SYN2: variants seen among roughly 807,000 people sequenced by gnomAD.
SYN2 encodes the protein synapsin-2.
SYN2 carries 19 observed loss-of-function variants against 50.9 expected under a neutral mutation model. That is an observed-to-expected ratio of 0.37 (90% CI 0.26 to 0.55). The LOEUF is 0.55. Among genes scored for constraint, SYN2 ranks in the 20% least tolerant of loss-of-function variants. The pLI, the probability that SYN2 is intolerant of heterozygous loss-of-function variation, is 0.81. For missense variants in SYN2, 587 were observed against 576.4 expected (o/e 1.02, Z -0.19); for synonymous variants, 255 against 224.9 (o/e 1.13, Z -1.20).
At chr3:12,070,149 A>G (rs1695313105) in intron 1 of SYN2, 1 of 317,744 alleles carries the variant, frequency 3.1e-6, no homozygotes, top group Non-Finnish European at 6.2e-6. Flanking sequence ...GACGTTGAGT[A>G]TCACACAGTC....
intron 1 of SYN2, among the ~76,000 whole-genome samples, chr3:12,034,751 C>T (rs1468192771): frequency 6.6e-6 from 1 of 152,196 alleles, no homozygotes; most frequent in Non-Finnish European, 1.5e-5. Context: ...TCATTAGGCC[C>T]ACCTCATAAC....
chr3:12,086,451 G>A (rs771149359), intron 1 of SYN2, among the ~76,000 whole-genome samples: 15 of 152,044 alleles, frequency 9.9e-5, no homozygotes, highest in Admixed American at 4.6e-4. Context: ...GATGAACATA[G>A]ACGCAAAAAT....
chr3:12,065,405 T>C (rs745337938), intron 1 of SYN2, among the ~76,000 whole-genome samples: 8 of 152,174 alleles, frequency 5.3e-5, no homozygotes, highest in South Asian at 2.1e-4. Flanking sequence ...CATGCACTTA[T>C]ATGTTTGTCG....
At chr3:12,171,023 TC>T (rs1697925469) in intron 10 of SYN2, among the ~76,000 whole-genome samples, 1 of 152,230 alleles carries the variant, frequency 6.6e-6, no homozygotes, top group Admixed American at 6.5e-5. Context: ...GTAGAATACT[TC>T]CGTCTTCACT....
At position 12,162,293 on chromosome 3, in the gene SYN2, G is replaced by T. The variant is rs568231618; in HGVS notation, c.980+139G>T. The T allele has an allele frequency of 1.3e-5, 14 of 1,051,314 alleles. No homozygotes were observed. The South Asian group carries it at 2.3e-4, about 17-fold the overall frequency. 65.1% of individuals were successfully genotyped at this position (1,051,314 alleles called of 1,614,324 possible). A position where few individuals can be genotyped will look rare whatever the true frequency, so the allele number is the denominator to read the frequency against. ...TACCTGGGTTCCTTTTAAGTCAGAG[G>T]AGGGGTCTGTGGACTAAGATGAGAA... is the stretch of plus-strand genomic sequence containing the variant. On this transcript the variant is annotated intron_variant, in intron 7 of 12. Transcript: ENST00000621198.
intron 2 of SYN2, 48 bp from the exon 3 acceptor site, chr3:12,141,857 T>C (rs1415714724): frequency 3.8e-6 from 3 of 779,530 alleles, no homozygotes; most frequent in African/African-American, 1.7e-5. Context: ...TGTAGAGGAC[T>C]TGGTGAAGTC....
At chr3:12,154,848 G>A (rs1486188125) in intron 5 of SYN2, among the ~76,000 whole-genome samples, 2 of 122,182 alleles carry the variant, frequency 1.6e-5, no homozygotes, top group African/African-American at 2.8e-5. Context: ...ATGAGAGATT[G>A]TCTATAAAGT....
chr3:12,053,876 A>G (rs1209898764), intron 1 of SYN2, among the ~76,000 whole-genome samples: 1 of 152,190 alleles, frequency 6.6e-6, no homozygotes, highest in African/African-American at 2.4e-5. Flanking sequence ...TGCAAACCTC[A>G]ATTAAAAATT....
In SYN2 at chr3:12,162,090, C is replaced by A; in HGVS notation, c.916C>A (p.Pro306Thr). 6.2e-7 allele frequency: 1 copy of A among 1,614,148 alleles called. No individual in the cohort carries two copies. The highest frequency in any genetic ancestry group is 8.5e-7 in the Non-Finnish European group (1 of 1,180,002). ...CACCCAGACCTATGCCACTGCAGAG[C>A]CTTTCATTGACTCCAAGTATGACAT... ...ALTQTYATAEPFIDSKYDIRV... is the reference protein window; with the variant it reads ...ALTQTYATAETFIDSKYDIRV... Residue 306 changes from proline (P) to threonine (T), a missense_variant, in exon 7 of 13, where the codon CCT becomes ACT. By Grantham distance (38) the Pro-to-Thr change is conservative (BLOSUM62 -1). Transcript: ENST00000621198.
At chr3:12,147,547 T>C (rs1445741067) in intron 4 of SYN2, among the ~76,000 whole-genome samples, 1 of 152,202 alleles carries the variant, frequency 6.6e-6, no homozygotes. Flanking sequence ...GTCTTTTTTG[T>C]GGACCTCCCC....
intron 1 of SYN2, among the ~76,000 whole-genome samples, chr3:12,111,026 A>G (rs1383657530): frequency 1.3e-5 from 2 of 152,266 alleles, no homozygotes; most frequent in East Asian, 1.9e-4. Context: ...ATGTGAGGAC[A>G]TGAGGTTTGG....
chr3:12,069,648 A>G (rs1042313537), intron 1 of SYN2, among the ~76,000 whole-genome samples: 10 of 152,022 alleles, frequency 6.6e-5, no homozygotes, highest in African/African-American at 2.2e-4. Context: ...GCCAAACTGT[A>G]TTTCCAAGTG....
intron 8 of SYN2, among the ~76,000 whole-genome samples, chr3:12,167,666 C>T (rs1293579064): frequency 6.6e-6 from 1 of 151,558 alleles, no homozygotes; most frequent in Non-Finnish European, 1.5e-5. Context: ...ACAGACTAAT[C>T]AAGGAGTGAG....
intron 1 of SYN2, among the ~76,000 whole-genome samples, chr3:12,134,679 C>T (rs113375741): frequency 2.8e-4 from 43 of 152,334 alleles, no homozygotes; most frequent in African/African-American, 1.0e-3. Context: ...GTTTCTGTCT[C>T]TCCACTGACT....
rs150492928 is a variant in SYN2, at chr3:12,055,425, C to T, written c.377+50497C>T. ...GAAAGCTTTAAAAATGAATGAGCTC[C>T]ATTTTGTGAAGTTATCAAATGAAGA... is the stretch of plus-strand genomic sequence containing the variant. On this transcript the variant is annotated intron_variant, in intron 1 of 12. Coordinates refer to ENST00000621198, the MANE Select transcript of SYN2 (RefSeq NM_133625.6). 1.2e-4 allele frequency among the ~76,000 whole-genome samples: 18 copies of T among 151,998 alleles called. No individual in the cohort carries two copies. The East Asian group carries it at 2.9e-3, about 24-fold the overall frequency.
intron 1 of SYN2, among the ~76,000 whole-genome samples, chr3:12,136,240 A>G (rs1696890718): frequency 6.6e-6 from 1 of 152,262 alleles, no homozygotes; most frequent in Non-Finnish European, 1.5e-5. Context: ...CATAAATTTC[A>G]GCATTTCCAA....
chr3:12,020,720 G>C (rs534425160), intron 1 of SYN2, among the ~76,000 whole-genome samples: 1 of 151,920 alleles, frequency 6.6e-6, no homozygotes, highest in South Asian at 2.1e-4. Flanking sequence ...CCCCTTCTTG[G>C]GGGTATTTAT....
chr3:12,156,600 TG>T (rs551041915), intron 5 of SYN2, among the ~76,000 whole-genome samples: 47 of 152,316 alleles, frequency 3.1e-4, no homozygotes, highest in Admixed American at 2.6e-3. Flanking sequence ...AGTGAAACGG[TG>T]GCCAGGGTCA....
At chr3:12,035,408 C>T (rs968884876) in intron 1 of SYN2, among the ~76,000 whole-genome samples, 14 of 152,224 alleles carry the variant, frequency 9.2e-5, no homozygotes, top group Non-Finnish European at 4.4e-5. Flanking sequence ...TTGGGTCCAT[C>T]AACCTGGCAT....
Sources: gnomAD v4.1 joint callset for allele counts (sites outside exome capture counted in the v4.1 genomes callset) on GRCh38, gnomAD v4.1.1 for gene constraint, MANE v1.5 for transcripts, NCBI Gene and HGNC (gene_info 2026-07-23, HGNC 2026-07-21) for gene names.